VWA8: variants seen among roughly 807,000 people sequenced by gnomAD.
The protein encoded by VWA8 is von Willebrand factor A domain containing 8, also known as von Willebrand factor A domain-containing protein 8.
VWA8 carries 221 observed loss-of-function variants against 241.5 expected under a neutral mutation model. That is an observed-to-expected ratio of 0.91 (90% CI 0.82 to 1.02). The LOEUF (loss-of-function observed/expected upper bound fraction) is 1.02. Ranked by LOEUF, VWA8 falls within the 50% of genes least tolerant of loss-of-function variation. The pLI is 0.00. For missense variants in VWA8, 2,322 were observed against 2,328.7 expected, an observed-to-expected ratio of 1.00 and a Z score of 0.06; for synonymous variants, 852 against 827.1, an observed-to-expected ratio of 1.03 and a Z score of -0.52.
chr13:41,842,117 C>T (rs1157224599), intron 12 of VWA8, among the ~76,000 whole-genome samples: 1 of 151,728 alleles, frequency 6.6e-6, no homozygotes, highest in East Asian at 1.9e-4. Context: ...TAACTATGCC[C>T]ACACCTATTA....
chr13:41,685,388 G>T, intron 34 of VWA8, 146 bp from the exon 35 acceptor site: 1 of 808,126 alleles, frequency 1.2e-6, no homozygotes, highest in South Asian at 2.0e-5. Context: ...GGGTACAGTG[G>T]CTCATGCCTG....
At chr13:41,716,502 C>T (rs1047914447) in intron 26 of VWA8, among the ~76,000 whole-genome samples, 8 of 152,056 alleles carry the variant, frequency 5.3e-5, no homozygotes, top group African/African-American at 1.7e-4. Context: ...GAAGAAGGTG[C>T]TGTAGATAGC....
At position 41,680,073 on chromosome 13, in the gene VWA8, T is replaced by C. The variant is rs557674759; in HGVS notation, c.4328-4777A>G. ...CCCCCAAACATTCATATAATTTTGC[T>C]TGGATTAACATCCAGTGCTTATATT... On this transcript the variant is annotated intron_variant, in intron 35 of 44. Coordinates refer to ENST00000379310, the MANE Select transcript of VWA8 (RefSeq NM_015058.2). Among the ~76,000 whole-genome samples the C allele has an allele frequency of 1.1e-3, 170 of 152,228 alleles. 1 individual carries two copies. Among genetic ancestry groups the C allele is most frequent in the Admixed American group, 1.9e-3 (29 of 15,290 alleles).
At chr13:41,739,827 GTTTTT>G (rs779464048) in intron 21 of VWA8, among the ~76,000 whole-genome samples, 8 of 88,982 alleles carry the variant, frequency 9.0e-5, no homozygotes, top group African/African-American at 1.3e-4. Context: ...TTGTTTTTTT[GTTTTT>G]TTTTTTGTTT....
At chr13:41,874,482 CAA>C (rs1873804305) in intron 9 of VWA8, among the ~76,000 whole-genome samples, 1 of 152,096 alleles carries the variant, frequency 6.6e-6, no homozygotes, top group African/African-American at 2.4e-5. Flanking sequence ...GCAACTTCAG[CAA>C]AGTCTCAGGA....
chr13:41,872,881 T>C (rs1873703108), intron 9 of VWA8, among the ~76,000 whole-genome samples: 1 of 152,168 alleles, frequency 6.6e-6, no homozygotes, highest in Non-Finnish European at 1.5e-5. Context: ...GCATTGAATC[T>C]ATAAATTACC....
chr13:41,673,322 T>C (rs572636211), intron 36 of VWA8, among the ~76,000 whole-genome samples: 1 of 152,234 alleles, frequency 6.6e-6, no homozygotes, highest in Non-Finnish European at 1.5e-5. Context: ...AAATTAGCTA[T>C]CAAATGGAAA....
At chr13:41,902,887 C>T (rs1472527118) in intron 4 of VWA8, among the ~76,000 whole-genome samples, 1 of 152,022 alleles carries the variant, frequency 6.6e-6, no homozygotes, top group Non-Finnish European at 1.5e-5. Flanking sequence ...GTCATAGGTG[C>T]GTACAATGGG....
intron 1 of VWA8, chr13:41,955,704 G>A (rs1181109000): frequency 6.6e-6 from 1 of 152,148 alleles, no homozygotes; most frequent in African/African-American, 2.4e-5. Context: ...TTTGGTCTAA[G>A]GATGCCTCCG....
intron 12 of VWA8, among the ~76,000 whole-genome samples, chr13:41,864,240 A>G (rs1227760397): frequency 1.3e-5 from 2 of 152,158 alleles, no homozygotes; most frequent in Admixed American, 1.3e-4. Flanking sequence ...TGCAGCTGCT[A>G]TGGAAAACAG....
At chr13:41,607,116 A>G (rs1351357792) in intron 39 of VWA8, among the ~76,000 whole-genome samples, 1 of 152,128 alleles carries the variant, frequency 6.6e-6, no homozygotes. Context: ...CATGGGATGT[A>G]CTCTGATGTT....
chr13:41,593,440 C>T (rs755439852), intron 40 of VWA8, among the ~76,000 whole-genome samples: 7 of 152,138 alleles, frequency 4.6e-5, no homozygotes, highest in Non-Finnish European at 7.3e-5. Flanking sequence ...TACCCAGCTA[C>T]GGGTGGCAAG....
chr13:41,725,204 A>G (rs2045423039), intron 24 of VWA8, among the ~76,000 whole-genome samples: 1 of 152,036 alleles, frequency 6.6e-6, no homozygotes, highest in African/African-American at 2.4e-5. Context: ...GTAAGAAAAA[A>G]AAAGGCTGGG....
intron 39 of VWA8, among the ~76,000 whole-genome samples, chr13:41,609,508 C>T (rs571107983): frequency 6.6e-6 from 1 of 152,208 alleles, no homozygotes; most frequent in South Asian, 2.1e-4. Flanking sequence ...CCAGAGTTTT[C>T]CTCTTGAAGT....
intron 21 of VWA8, among the ~76,000 whole-genome samples, chr13:41,738,627 A>G (rs1315475223): frequency 6.6e-6 from 1 of 152,244 alleles, no homozygotes; most frequent in African/African-American, 2.4e-5. Context: ...AATAGTATAT[A>G]GAAAATTGGA....
intron 15 of VWA8, among the ~76,000 whole-genome samples, chr13:41,817,061 A>G (rs1206896119): frequency 6.6e-6 from 1 of 152,170 alleles, no homozygotes; most frequent in African/African-American, 2.4e-5. Flanking sequence ...CTTTAACTCA[A>G]TTTAAAACTG....
intron 9 of VWA8, among the ~76,000 whole-genome samples, chr13:41,868,744 T>C (rs1222854039): frequency 6.6e-6 from 1 of 151,272 alleles, no homozygotes; most frequent in Non-Finnish European, 1.5e-5. Context: ...AAAAATTAGC[T>C]GGGCGTGGTG....
At chr13:41,855,656 A>T (rs1872718612) in intron 12 of VWA8, among the ~76,000 whole-genome samples, 1 of 152,094 alleles carries the variant, frequency 6.6e-6, no homozygotes, top group Admixed American at 6.6e-5. Context: ...AGTGGTTGCC[A>T]GGGGCTGGGT....
At chr13:41,690,344 A>C in intron 32 of VWA8, 69 bp from the exon 33 acceptor site, 1 of 1,268,662 alleles carries the variant, frequency 7.9e-7, no homozygotes, top group Non-Finnish European at 1.1e-6. Context: ...GGCCAGACTA[A>C]GAAAAATTAG....
Sources: allele counts gnomAD v4.1 joint callset (sites outside exome capture counted in the v4.1 genomes callset), GRCh38; gene constraint gnomAD v4.1.1; transcripts MANE v1.5; gene names NCBI Gene and HGNC (gene_info 2026-07-23, HGNC 2026-07-21).